USP35: variants seen among roughly 807,000 people sequenced by gnomAD.
USP35 encodes the protein ubiquitin carboxyl-terminal hydrolase 35.
USP35 carries 69 observed loss-of-function variants against 83.8 expected under a neutral mutation model. The ratio of observed to expected loss-of-function variants is 0.82; its 90% CI spans 0.68 to 1.01. The LOEUF is 1.01. Ranked by LOEUF, USP35 falls within the 50% of genes least tolerant of loss-of-function variation. The pLI, the probability that USP35 is intolerant of heterozygous loss-of-function variation, is 0.00. For synonymous variants in USP35, 714 were observed against 589.5 expected (o/e 1.21, Z -3.06); for missense variants, 1,503 against 1,362.5 (o/e 1.10, Z -1.62).
At chr11:78,226,017 G>C in the USP35 span, among the ~76,000 whole-genome samples, 5 of 152,220 alleles carry the variant, frequency 3.3e-5, no homozygotes, top group Non-Finnish European at 7.3e-5. Flanking sequence ...CAACCAAAGA[G>C]ATTCAAGTAT....
the USP35 span, among the ~76,000 whole-genome samples, chr11:78,222,977 G>A: frequency 6.6e-6 from 1 of 152,194 alleles, no homozygotes; most frequent in Non-Finnish European, 1.5e-5. Context: ...GTGGAGGAAG[G>A]TAGATGCCAT....
At chr11:78,227,134 A>G in the USP35 span, 119 of 948,148 alleles carry the variant, frequency 1.3e-4, 1 homozygote, top group Middle Eastern at 1.6e-3. Context: ...TTCTCTTTCT[A>G]TACTTTGGTT....
chr11:78,219,947 G>A (rs954761619), downstream of USP35, among the ~76,000 whole-genome samples: 11 of 152,110 alleles, frequency 7.2e-5, no homozygotes, highest in South Asian at 2.1e-4. Context: ...ATGTATCGAC[G>A]GCAGGGCTCT....
chr11:78,226,989 TG>T, the USP35 span: 1 of 1,613,826 alleles, frequency 6.2e-7, no homozygotes, highest in Non-Finnish European at 8.5e-7. Context: ...GGCAAGTTTT[TG>T]TACAGCTGTG....
chr11:78,222,090 C>T, the USP35 span: 40 of 1,558,022 alleles, frequency 2.6e-5, no homozygotes, highest in Admixed American at 6.5e-4. Context: ...CCCACCCCCA[C>T]ACATACGCAC....
intron 6 of USP35, among the ~76,000 whole-genome samples, chr11:78,203,202 C>T (rs531507738): frequency 9.2e-5 from 14 of 152,166 alleles, no homozygotes; most frequent in East Asian, 3.9e-4. Flanking sequence ...CTCAACCCCG[C>T]GCCTTGAGAA....
the USP35 span, chr11:78,222,237 T>C: frequency 8.7e-6 from 11 of 1,262,908 alleles, no homozygotes; most frequent in Non-Finnish European, 1.3e-5. Flanking sequence ...CCAGTAATGA[T>C]AATGCTACAC....
At chr11:78,229,377 C>CT in the USP35 span, among the ~76,000 whole-genome samples, 1 of 152,156 alleles carries the variant, frequency 6.6e-6, no homozygotes, top group Non-Finnish European at 1.5e-5. Flanking sequence ...GAGGCCAGGC[C>CT]AGGACTAAAG....
At position 78,198,032 on chromosome 11, in the gene USP35, G is replaced by A. The variant is rs1863209026; in HGVS notation, c.770G>A (p.Ser257Asn). ...GTCCGGAACCTCAGCAATGATGACA[G>A]TGTGACAGACTCGCAGATGCTGACT... Reference protein sequence around the residue: ...GVVRNLSNDDSVTDSQMLTAI... With the variant: ...GVVRNLSNDDNVTDSQMLTAI... Residue 257 changes from serine (S) to asparagine (N), a missense_variant, in exon 3 of 11, where the codon AGT (serine) becomes AAT (asparagine). By Grantham distance (46) the Ser-to-Asn change is conservative. Coordinates refer to ENST00000529308, the MANE Select transcript of USP35 (RefSeq NM_020798.4). The A allele has an allele frequency of 6.2e-7, 1 of 1,614,262 alleles. No homozygotes were observed. The highest frequency in any genetic ancestry group is 8.5e-7 in the Non-Finnish European group (1 of 1,180,046).
chr11:78,222,575 T>C, the USP35 span, among the ~76,000 whole-genome samples: 1 of 149,384 alleles, frequency 6.7e-6, no homozygotes, highest in Non-Finnish European at 1.5e-5. Flanking sequence ...ACTATTTATA[T>C]ATTAACACAC....
rs1280837669 is a variant in USP35, at chr11:78,215,193, A to G, written c.*1380A>G. ...TTGTTCTTATTCACAGCCAAGAAAA[A>G]TACCCAATTATTTCCAAATAAAGCA... On this transcript the variant is annotated 3_prime_UTR_variant, in exon 11 of 11. Transcript: ENST00000529308. 6.6e-6 allele frequency: 1 copy of G among 152,534 alleles called. No homozygotes were observed. Among genetic ancestry groups the G allele is most frequent in the Non-Finnish European group, 1.5e-5 (1 of 68,036 alleles). 9.4% of individuals were successfully genotyped at this position (152,534 alleles called of 1,614,324 possible).
At position 78,200,662 on chromosome 11, in the gene USP35, A is replaced by G. The variant is rs1373046304; in HGVS notation, c.1051A>G (p.Ile351Val). The change falls in exon 6 of 11, where the codon ATC (isoleucine) becomes GTC (valine). Residue 351 changes from isoleucine to valine, a missense_variant. Physicochemically the swap from Ile to Val is conservative, Grantham distance 29 (BLOSUM62 3). Coordinates refer to ENST00000529308, the MANE Select transcript of USP35 (RefSeq NM_020798.4). ...TCTGCTCCCACAGCTCCTCCCTCAC[A>G]TCCCCCCCATGGTGGCCTCTCTGGT... is the stretch of plus-strand genomic sequence containing the variant. The part of the protein sequence containing the change: ...HEAFHLLLPH[I>V]PPMVASLVKE... 1.9e-6 allele frequency: 3 copies of G among 1,610,714 alleles called. No homozygotes were observed. The South Asian group carries it at 3.3e-5, about 18-fold the overall frequency.
downstream of USP35, chr11:78,219,218 G>A (rs1052190296): frequency 4.5e-6 from 7 of 1,560,288 alleles, no homozygotes; most frequent in Admixed American, 1.0e-4. Context: ...GAGGGGAGAT[G>A]GGAAGGGCCA....
downstream of USP35, chr11:78,215,480 ATAACT>A (rs1225384918): frequency 1.3e-5 from 2 of 152,686 alleles, no homozygotes; most frequent in Non-Finnish European, 2.9e-5. Flanking sequence ...GAATAAATTA[ATAACT>A]TAAGTGATTA....
the USP35 span, among the ~76,000 whole-genome samples, chr11:78,229,653 T>C: frequency 6.6e-6 from 1 of 152,182 alleles, no homozygotes; most frequent in African/African-American, 2.4e-5. Context: ...AGTGTAAACA[T>C]TTTCAACACC....
In USP35 at chr11:78,196,533, G is replaced by T; in HGVS notation, c.288G>T (p.Pro96=). The change falls in exon 2 of 11, where the codon CCG becomes CCT. Residue 96 remains proline, a synonymous_variant. Transcript: ENST00000529308. This position sits in a 1 kb window ranked among gnomAD's most constrained non-coding sequence, Gnocchi z 4.8. ...LRLLQGGAGP[P]GPRALACVQL... ...TGCTGCAGGGTGGCGCCGGCCCCCCGGGCCCCCGCGCGCTCGCCTGCGTGC... is the reference window on the plus strand; with the variant it reads ...TGCTGCAGGGTGGCGCCGGCCCCCCTGGCCCCCGCGCGCTCGCCTGCGTGC... The T allele has an allele frequency of 8.2e-7, 1 of 1,222,392 alleles. No individual in the cohort carries two copies. 75.7% of individuals were successfully genotyped at this position (1,222,392 alleles called of 1,614,324 possible). A position where few individuals can be genotyped will look rare whatever the true frequency, so the allele number is the denominator to read the frequency against.
chr11:78,191,224 A>G (rs544629766), intron 1 of USP35, among the ~76,000 whole-genome samples: 1 of 152,230 alleles, frequency 6.6e-6, no homozygotes. Context: ...TCAACTGTGC[A>G]GGAGCAGAGA....
At chr11:78,230,246 C>G in the USP35 span, among the ~76,000 whole-genome samples, 1 of 152,322 alleles carries the variant, frequency 6.6e-6, no homozygotes, top group East Asian at 1.9e-4. Context: ...TCTGTAGAAC[C>G]CACTAGCTTA....
At chr11:78,192,665 C>T (rs537960886) in intron 1 of USP35, among the ~76,000 whole-genome samples, 1 of 152,330 alleles carries the variant, frequency 6.6e-6, no homozygotes, top group African/African-American at 2.4e-5. Flanking sequence ...TCAGAGCTCT[C>T]ATGGAGCAGC....
Sources: gnomAD v4.1 joint callset for allele counts (sites outside exome capture counted in the v4.1 genomes callset) on GRCh38, gnomAD v4.1.1 for gene constraint, Gnocchi (gnomAD v3.1) non-coding constraint, MANE v1.5 for transcripts, NCBI Gene and HGNC (gene_info 2026-07-23, HGNC 2026-07-21) for gene names.